ADGRE1: variants seen among roughly 807,000 people sequenced by gnomAD.
The protein encoded by ADGRE1 is EGF-like module receptor 1.
Under a neutral mutation model 102.7 loss-of-function variants are expected in ADGRE1, and 82 were observed. That is an observed-to-expected ratio of 0.80 (90% CI 0.67 to 0.96). The LOEUF (loss-of-function observed/expected upper bound fraction) is 0.96, where lower values mean the gene tolerates loss of function less well. Ranked by LOEUF, ADGRE1 falls within the 40% of genes least tolerant of loss-of-function variation. The pLI is 0.00. For missense variants in ADGRE1, 1,032 were observed against 1,085.3 expected, an observed-to-expected ratio of 0.95 and a Z score of 0.69; for synonymous variants, 398 against 399.6, an observed-to-expected ratio of 1.00 and a Z score of 0.05.
chr19:6,896,332 G>T, intron 2 of ADGRE1, 66 bp from the exon 3 acceptor site: 1 of 1,535,302 alleles, frequency 6.5e-7, no homozygotes, highest in Non-Finnish European at 8.9e-7. Context: ...CTTGTATGCT[G>T]GGTTCCCTTG....
At chr19:6,905,350 GT>G (rs1368302869) in intron 8 of ADGRE1, among the ~76,000 whole-genome samples, 4 of 132,342 alleles carry the variant, frequency 3.0e-5, no homozygotes, top group Admixed American at 7.5e-5. Flanking sequence ...CCTGTCTTTT[GT>G]TTTTTTTTCT....
At chr19:6,905,946 T>C (rs426073) in intron 8 of ADGRE1, among the ~76,000 whole-genome samples, 56,211 of 152,002 alleles carry the variant, frequency 0.37, 12,216 homozygotes, top group African/African-American at 0.6. Flanking sequence ...ATTTCCCTAC[T>C]TAAAAAAATA....
intron 18 of ADGRE1, among the ~76,000 whole-genome samples, chr19:6,936,651 GTCTC>G (rs369620438): frequency 6.9e-6 from 1 of 145,596 alleles, no homozygotes; most frequent in Admixed American, 6.9e-5. Context: ...TTGAGACAGA[GTCTC>G]TCTCTCGCCC....
At chr19:6,937,711 T>A in intron 20 of ADGRE1, 63 bp downstream of exon 20, 2 of 1,487,972 alleles carry the variant, frequency 1.3e-6, no homozygotes, top group Non-Finnish European at 1.9e-6. Context: ...TTGGTGACAC[T>A]CAGCTCTGCC....
At position 6,897,174 on chromosome 19, in the gene ADGRE1, C is replaced by T. The variant is rs777264584; in HGVS notation, c.264C>T (p.Pro88=). 2.5e-6 allele frequency: 4 copies of T among 1,612,456 alleles called. No individual in the cohort carries two copies. The highest frequency in any genetic ancestry group is 3.4e-6 in the Non-Finnish European group (4 of 1,179,708). ...CKDIDECSQS[P]QPCGPNSSCK... Reference sequence around the variant, plus strand: ...ATATTGATGAATGTTCTCAAAGCCCCCAGCCCTGTGGTCCTAACTCATCCT... The same window carrying T: ...ATATTGATGAATGTTCTCAAAGCCCTCAGCCCTGTGGTCCTAACTCATCCT... Residue 88 remains proline, a synonymous_variant, in exon 4 of 21, where the codon CCC becomes CCT. Coordinates refer to ENST00000312053, the MANE Select transcript of ADGRE1 (RefSeq NM_001974.5).
intron 2 of ADGRE1, among the ~76,000 whole-genome samples, chr19:6,894,736 G>A (rs558326780): frequency 6.6e-6 from 1 of 152,328 alleles, no homozygotes; most frequent in Admixed American, 6.5e-5. Context: ...ATGGTGTGGA[G>A]TAGAAGATTG....
intron 1 of ADGRE1, 32 bp from the exon 2 acceptor site, chr19:6,890,449 G>GT: frequency 2.1e-6 from 2 of 947,050 alleles, no homozygotes; most frequent in Non-Finnish European, 1.4e-6. Flanking sequence ...TTTTTTGGTG[G>GT]TTCATGGTGT....
intron 18 of ADGRE1, among the ~76,000 whole-genome samples, chr19:6,935,787 G>A (rs252557): frequency 0.73 from 110,402 of 152,114 alleles, 40,538 homozygotes; most frequent in Non-Finnish European, 0.79. Context: ...AATGTGCGTC[G>A]TAAATTGATT....
At chr19:6,913,105 T>A (rs1324151132) in intron 10 of ADGRE1, among the ~76,000 whole-genome samples, 2 of 152,168 alleles carry the variant, frequency 1.3e-5, no homozygotes, top group African/African-American at 2.4e-5. Context: ...TGCTCTTTTT[T>A]AATTTGTTTG....
chr19:6,917,455 G>A (rs1165792381), intron 12 of ADGRE1, among the ~76,000 whole-genome samples: 1 of 151,876 alleles, frequency 6.6e-6, no homozygotes, highest in Non-Finnish European at 1.5e-5. Context: ...AGAATTGAGG[G>A]TCGCTGGGCG....
chr19:6,904,682 A>AT (rs754083940), intron 8 of ADGRE1, among the ~76,000 whole-genome samples: 13 of 151,830 alleles, frequency 8.6e-5, no homozygotes, highest in Non-Finnish European at 1.6e-4. Context: ...ATATTTTTGT[A>AT]TTTTTAGTAG....
In ADGRE1 at chr19:6,893,820, A is replaced by G. The variant is rs138048590; in HGVS notation, c.95-2578A>G. Among the ~76,000 whole-genome samples, 3 of 152,324 alleles carry G rather than the reference A, an allele frequency of 2.0e-5. No homozygotes were observed. The East Asian group carries it at 5.8e-4, about 29-fold the overall frequency. On this transcript the variant is annotated intron_variant, in intron 2 of 20. Coordinates refer to ENST00000312053, the MANE Select transcript of ADGRE1 (RefSeq NM_001974.5). ...ACTTACCTATCATTCTGGAGGTCAG[A>G]AGTCTGAAATGGGTCCCACTGGGCT...
chr19:6,939,091 C>T (rs942665140), intron 20 of ADGRE1, among the ~76,000 whole-genome samples: 6 of 152,036 alleles, frequency 3.9e-5, no homozygotes, highest in South Asian at 2.1e-4. Context: ...CCACCACGCC[C>T]AGCTGGTCTA....
Position 6,904,180 on chromosome 19 carries a change from A to G in ADGRE1, c.947A>G (p.Gln316Arg). The G allele has an allele frequency of 6.2e-7, 1 of 1,613,840 alleles. No individual in the cohort carries two copies. Among genetic ancestry groups the G allele is most frequent in the Non-Finnish European group, 8.5e-7 (1 of 1,180,008 alleles). Residue 316 changes from glutamine to arginine, a missense_variant and splice_region_variant, in exon 8 of 21, where the codon CAA becomes CGA. Physicochemically the swap from Gln to Arg is conservative, Grantham distance 43. Transcript: ENST00000312053. ...CAGAAAGATGGCAACTTCAGCTGCC[A>G]AAGTAATAATCTCTTTGTATGTCTT... ...GSQKDGNFSC[Q>R]RVLFKCKEDV...
Position 6,940,204 on chromosome 19 carries a change from T to A in ADGRE1, c.*175T>A, listed in dbSNP as rs1453561884. The stretch of plus-strand genomic sequence containing the variant: ...GTCTTCCTGTGGTTGTATGCACTGA[T>A]GAGAAATCAGGCGTTTCTGCTCCAA... On this transcript the variant is annotated 3_prime_UTR_variant, in exon 21 of 21. Transcript: ENST00000312053. The A allele has an allele frequency of 2.9e-6, 2 of 695,452 alleles. No individual in the cohort carries two copies. The highest frequency in any genetic ancestry group is 4.8e-6 in the Non-Finnish European group (2 of 414,120). 43.1% of individuals were successfully genotyped at this position (695,452 alleles called of 1,614,324 possible).
chr19:6,929,023 T>A (rs568038035), intron 17 of ADGRE1, among the ~76,000 whole-genome samples: 9 of 152,332 alleles, frequency 5.9e-5, no homozygotes, highest in African/African-American at 2.2e-4. Context: ...GACTTGGGAA[T>A]TTTGTTTTTC....
chr19:6,904,985 A>G (rs1351252679), intron 8 of ADGRE1, among the ~76,000 whole-genome samples: 1 of 152,048 alleles, frequency 6.6e-6, no homozygotes, highest in Non-Finnish European at 1.5e-5. Context: ...GACAAGGGGA[A>G]GTGGCAGTAG....
At chr19:6,900,717 C>T (rs971072662) in intron 5 of ADGRE1, among the ~76,000 whole-genome samples, 1 of 152,150 alleles carries the variant, frequency 6.6e-6, no homozygotes, top group African/African-American at 2.4e-5. Flanking sequence ...GATGGTGACT[C>T]CATTGAGAAA....
chr19:6,928,282 A>G (rs1338726781), intron 17 of ADGRE1, 71 bp downstream of exon 17: 2 of 1,612,442 alleles, frequency 1.2e-6, no homozygotes, highest in Non-Finnish European at 1.7e-6. Flanking sequence ...CGAGATCTGG[A>G]ATTTCCAGGG....
Sources: gnomAD v4.1 joint callset for allele counts (sites outside exome capture counted in the v4.1 genomes callset) on GRCh38, gnomAD v4.1.1 for gene constraint, MANE v1.5 for transcripts, NCBI Gene and HGNC (gene_info 2026-07-23, HGNC 2026-07-21) for gene names.